The following MYO10 variants were observed in gnomAD, a reference collection of about 807,000 sequenced individuals.
The protein encoded by MYO10 is myosin X.
Under a neutral mutation model 257.3 loss-of-function variants are expected in MYO10, and 133 were observed. That is an observed-to-expected ratio of 0.52 (90% CI 0.45 to 0.60). The LOEUF is 0.60. Ranked by LOEUF, MYO10 falls within the 20% of genes least tolerant of loss-of-function variation. MYO10 has a pLI of 0.00. For missense variants in MYO10, 2,399 were observed against 2,635.7 expected, an observed-to-expected ratio of 0.91 and a Z score of 1.97; for synonymous variants, 1,104 against 1,028.6, an observed-to-expected ratio of 1.07 and a Z score of -1.40.
chr5:16,717,805 T>C (rs1182271097), intron 19 of MYO10, among the ~76,000 whole-genome samples: 1 of 152,208 alleles, frequency 6.6e-6, no homozygotes, highest in Non-Finnish European at 1.5e-5. Context: ...CTCAGAGCCC[T>C]CACTTGCTCT....
intron 1 of MYO10, among the ~76,000 whole-genome samples, chr5:16,900,439 G>T (rs1414576201): frequency 6.6e-6 from 1 of 152,144 alleles, no homozygotes; most frequent in South Asian, 2.1e-4. Context: ...TGCCTGAACA[G>T]AGAAAAAAAC....
chr5:16,798,687 A>G (rs1742035619), intron 3 of MYO10, among the ~76,000 whole-genome samples: 1 of 152,114 alleles, frequency 6.6e-6, no homozygotes, highest in Non-Finnish European at 1.5e-5. Context: ...ATAGTTGTTT[A>G]CATTATTTTC....
intron 25 of MYO10, chr5:16,699,786 CAAAAAAA>C (rs1203905060): frequency 3.9e-4 from 21 of 53,302 alleles, no homozygotes; most frequent in Non-Finnish European, 6.2e-4. Context: ...GCCTCAGTCT[CAAAAAAA>C]AAAAAAAAAA....
intron 1 of MYO10, among the ~76,000 whole-genome samples, chr5:16,919,808 C>A (rs1244317087): frequency 6.6e-6 from 1 of 152,092 alleles, no homozygotes; most frequent in Non-Finnish European, 1.5e-5. Context: ...GAAACCCTAT[C>A]TCTACTAAAA....
intron 3 of MYO10, among the ~76,000 whole-genome samples, chr5:16,811,556 T>C (rs1233596606): frequency 2.0e-5 from 3 of 152,186 alleles, no homozygotes; most frequent in African/African-American, 4.8e-5. Context: ...TCTTTTCTTT[T>C]TCTCTTTTGT....
intron 2 of MYO10, among the ~76,000 whole-genome samples, chr5:16,828,620 C>CA (rs71595993): frequency 0.021 from 1,835 of 85,516 alleles, 20 homozygotes; most frequent in African/African-American, 0.034. Flanking sequence ...ACTCTGTCTC[C>CA]AAAAAAAAAA....
chr5:16,836,213 T>A (rs1743308258), intron 2 of MYO10, among the ~76,000 whole-genome samples: 1 of 152,184 alleles, frequency 6.6e-6, no homozygotes. Flanking sequence ...TGTAATCTTA[T>A]CTATTCAAAT....
At chr5:16,747,757 A>C (rs1220165601) in intron 19 of MYO10, among the ~76,000 whole-genome samples, 1 of 151,918 alleles carries the variant, frequency 6.6e-6, no homozygotes, top group African/African-American at 2.4e-5. Flanking sequence ...GTCTCTACTA[A>C]AAATACAAAA....
intron 19 of MYO10, chr5:16,741,688 C>A (rs1455950956): frequency 5.8e-6 from 4 of 693,004 alleles, no homozygotes; most frequent in Non-Finnish European, 3.5e-6. Flanking sequence ...CACTTCCGTG[C>A]CTGGAGAAAC....
intron 19 of MYO10, among the ~76,000 whole-genome samples, chr5:16,717,231 G>A (rs574586757): frequency 7.0e-4 from 107 of 152,270 alleles, no homozygotes; most frequent in Non-Finnish European, 1.2e-3. Flanking sequence ...AATCAAACTC[G>A]TATGCATCAA....
chr5:16,768,822 C>G (rs1238087481), intron 10 of MYO10, among the ~76,000 whole-genome samples: 1 of 151,802 alleles, frequency 6.6e-6, no homozygotes, highest in East Asian at 1.9e-4. Flanking sequence ...ACTACAGGGG[C>G]ACACCATCAT....
intron 26 of MYO10, among the ~76,000 whole-genome samples, chr5:16,698,622 A>AGTTTTTTT (rs1421971704): frequency 5.4e-5 from 5 of 91,812 alleles, no homozygotes; most frequent in African/African-American, 1.6e-4. Context: ...GAGAACATGC[A>AGTTTTTTT]GTTTTTTTTT....
chr5:16,836,384 T>C (rs1332483049), intron 2 of MYO10, among the ~76,000 whole-genome samples: 1 of 152,232 alleles, frequency 6.6e-6, no homozygotes, highest in Non-Finnish European at 1.5e-5. Context: ...ATTCCTACTT[T>C]GGTTATAACC....
intron 19 of MYO10, among the ~76,000 whole-genome samples, chr5:16,739,003 C>T (rs1739915506): frequency 6.6e-6 from 1 of 151,312 alleles, no homozygotes; most frequent in South Asian, 2.1e-4. Flanking sequence ...TTCAAATAGT[C>T]ACAGAAACCA....
intron 1 of MYO10, among the ~76,000 whole-genome samples, chr5:16,924,764 G>A (rs1322682079): frequency 6.6e-6 from 1 of 150,558 alleles, no homozygotes; most frequent in African/African-American, 2.4e-5. Flanking sequence ...GGTCGTGGGT[G>A]GAAAGTGATA....
At chr5:16,849,744 C>CT (rs1339691476) in intron 2 of MYO10, among the ~76,000 whole-genome samples, 11 of 152,200 alleles carry the variant, frequency 7.2e-5, no homozygotes, top group African/African-American at 2.2e-4. Flanking sequence ...AATACTTGAA[C>CT]TAGTAAACTT....
At chr5:16,835,763 A>G (rs1743294562) in intron 2 of MYO10, among the ~76,000 whole-genome samples, 1 of 151,812 alleles carries the variant, frequency 6.6e-6, no homozygotes, top group Non-Finnish European at 1.5e-5. Flanking sequence ...GAAAGAAGAA[A>G]GACCCCAAAA....
At chr5:16,758,595 G>C (rs1410031272) in intron 17 of MYO10, among the ~76,000 whole-genome samples, 1 of 152,166 alleles carries the variant, frequency 6.6e-6, no homozygotes, top group Non-Finnish European at 1.5e-5. Context: ...TGCAAAGATT[G>C]AAGCAGTTAA....
intron 1 of MYO10, among the ~76,000 whole-genome samples, chr5:16,911,648 C>T (rs1018855178): frequency 2.0e-5 from 3 of 152,028 alleles, no homozygotes; most frequent in Non-Finnish European, 2.9e-5. Context: ...AGGAGGATCG[C>T]TTGAACCTGG....
Sources: gnomAD v4.1 joint callset for allele counts (sites outside exome capture counted in the v4.1 genomes callset) on GRCh38, gnomAD v4.1.1 for gene constraint, MANE v1.5 for transcripts, NCBI Gene and HGNC (gene_info 2026-07-23, HGNC 2026-07-21) for gene names.